The following LRP6 variants were observed in gnomAD, a reference collection of about 807,000 sequenced individuals.
LRP6 encodes the protein LDL receptor related protein 6, also known as low-density lipoprotein receptor-related protein 6.
A neutral mutation model predicts 184.1 loss-of-function variants in LRP6; 43 were observed. The observed-to-expected ratio is 0.23, with a 90% CI of 0.18 to 0.30. The LOEUF (loss-of-function observed/expected upper bound fraction) is 0.30, where lower values mean the gene tolerates loss of function less well. LRP6 is among the 10% of genes least tolerant of loss of function. The probability of loss-of-function intolerance (pLI) is 1.00; values close to 1 mark genes in which losing one functional copy is unlikely to be tolerated. For missense variants in LRP6, 1,571 were observed against 2,005.3 expected (o/e 0.78, Z 4.14); for synonymous variants, 719 against 684.9 (o/e 1.05, Z -0.78).
intron 1 of LRP6, among the ~76,000 whole-genome samples, chr12:12,263,447 A>C (rs1865676673): frequency 6.6e-6 from 1 of 151,512 alleles, no homozygotes; most frequent in African/African-American, 2.4e-5. Flanking sequence ...GCTACTCAGG[A>C]GGCTGAGGCA....
At chr12:12,170,207 C>A (rs772199266) in intron 7 of LRP6, among the ~76,000 whole-genome samples, 1 of 152,076 alleles carries the variant, frequency 6.6e-6, no homozygotes. Context: ...TGGAGATGCA[C>A]ACCTGTAATC....
At chr12:12,205,325 CAAACAAAAAA>C (rs1385662719) in intron 2 of LRP6, among the ~76,000 whole-genome samples, 9 of 26,240 alleles carry the variant, frequency 3.4e-4, no homozygotes, top group African/African-American at 8.6e-4. Flanking sequence ...CTGTCTCAAA[CAAACAAAAAA>C]AAAAAAAAAA....
At chr12:12,149,196 C>CCCCTGG in intron 13 of LRP6, 43 bp from the exon 14 acceptor site, 1 of 1,492,834 alleles carries the variant, frequency 6.7e-7, no homozygotes, top group Non-Finnish European at 9.3e-7. Flanking sequence ...ACTCCAGGGG[C>CCCCTGG]AGATAACCCT....
chr12:12,136,699 G>A (rs1467025692), intron 16 of LRP6, among the ~76,000 whole-genome samples: 1 of 152,160 alleles, frequency 6.6e-6, no homozygotes, highest in Non-Finnish European at 1.5e-5. Flanking sequence ...GACTGAGGGA[G>A]TCAGCTATCT....
chr12:12,138,891 T>C (rs1362392929), intron 15 of LRP6: 1 of 1,372,228 alleles, frequency 7.3e-7, no homozygotes, highest in Non-Finnish European at 9.8e-7. Context: ...GTTCTGAGTA[T>C]ACCTGAGGCA....
chr12:12,236,778 G>A (rs1463151880), intron 2 of LRP6, among the ~76,000 whole-genome samples: 2 of 152,186 alleles, frequency 1.3e-5, no homozygotes, highest in Non-Finnish European at 2.9e-5. Context: ...AAAGGATACA[G>A]ATGAACAACC....
chr12:12,242,862 T>C (rs1250729320), intron 2 of LRP6, among the ~76,000 whole-genome samples: 1 of 151,762 alleles, frequency 6.6e-6, no homozygotes, highest in African/African-American at 2.4e-5. Context: ...CTCATTTTTC[T>C]ACAACATGGC....
At position 12,118,929 on chromosome 12, in the gene LRP6, CACATTTAAATATGTAA is replaced by C. The variant is rs1392688169; in HGVS notation, c.*2181_*2196del. The C allele has an allele frequency of 1.3e-5, 2 of 152,238 alleles. No homozygotes were observed. Among genetic ancestry groups the C allele is most frequent in the African/African-American group, 4.8e-5 (2 of 41,474 alleles). The allele number at this position is 152,238 out of a possible 1,614,324, so 9.4% of individuals were successfully genotyped here. ...ATGGGAAGCCCACCAGATCAAGATG[CACATTTAAATATGTAA>C]ACATATAGAATTCTCAAATTCTAAC... On this transcript the variant is annotated 3_prime_UTR_variant, in exon 23 of 23. Transcript: ENST00000261349.
At chr12:12,200,528 A>G (rs1863887643) in intron 3 of LRP6, among the ~76,000 whole-genome samples, 1 of 152,012 alleles carries the variant, frequency 6.6e-6, no homozygotes. Flanking sequence ...TTTCACTTCA[A>G]CATTTTCTGT....
chr12:12,194,553 GC>G (rs1001558952), intron 3 of LRP6, among the ~76,000 whole-genome samples: 4 of 151,964 alleles, frequency 2.6e-5, no homozygotes, highest in African/African-American at 9.7e-5. Context: ...TTAGTCTTAA[GC>G]CCCATTTTCA....
chr12:12,230,257 T>C (rs994187062), intron 2 of LRP6, among the ~76,000 whole-genome samples: 9 of 152,244 alleles, frequency 5.9e-5, no homozygotes, highest in Non-Finnish European at 1.2e-4. Flanking sequence ...AGCCATTTTA[T>C]ACAAATTTAC....
intron 12 of LRP6, 113 bp downstream of exon 12, chr12:12,158,716 T>C: frequency 9.7e-7 from 1 of 1,031,846 alleles, no homozygotes; most frequent in Non-Finnish European, 1.5e-6. Context: ...ACCAAACAAA[T>C]AACCCCCTCT....
chr12:12,229,046 T>C (rs1466762180), intron 2 of LRP6, among the ~76,000 whole-genome samples: 1 of 152,176 alleles, frequency 6.6e-6, no homozygotes. Context: ...TCTGCTAGGA[T>C]ATGACACAAA....
At chr12:12,202,097 T>C (rs1188895193) in intron 3 of LRP6, among the ~76,000 whole-genome samples, 1 of 152,256 alleles carries the variant, frequency 6.6e-6, no homozygotes, top group Non-Finnish European at 1.5e-5. Flanking sequence ...AAAATGTCTT[T>C]AAAAATCTGA....
At chr12:12,246,716 T>C (rs1479752285) in intron 1 of LRP6, among the ~76,000 whole-genome samples, 1 of 151,688 alleles carries the variant, frequency 6.6e-6, no homozygotes, top group Non-Finnish European at 1.5e-5. Context: ...ATCTACATGA[T>C]CTTCTTTCAT....
rs1412962661 is a variant in LRP6 at position 12,181,026 on chromosome 12, T to C, written c.1373+17A>G. 5 of 1,613,814 alleles carry C rather than the reference T, an allele frequency of 3.1e-6. No individual in the cohort carries two copies. The highest frequency in any genetic ancestry group is 3.3e-5 in the Admixed American group (2 of 60,004). On this transcript the variant is annotated intron_variant, in intron 6 of 22. Coordinates refer to ENST00000261349, the MANE Select transcript of LRP6 (RefSeq NM_002336.3). ...CAGAAACACCACACAGAATTTACTA[T>C]CAGTAGAGCTTCTTACCCAACCATG...
chr12:12,120,031 ATATATATATAT>A lies in LRP6; in HGVS notation c.*1084_*1094del, dbSNP rs1565519348. 1.8e-4 allele frequency: 21 copies of A among 118,344 alleles called. No individual in the cohort carries two copies. The East Asian group carries it at 4.1e-3, about 23-fold the overall frequency. 7.3% of individuals were successfully genotyped at this position (118,344 alleles called of 1,614,324 possible). A position where few individuals can be genotyped will look rare whatever the true frequency, so the allele number is the denominator to read the frequency against. The stretch of plus-strand genomic sequence containing the variant: ...TATATATATATATATATATATATAT[ATATATATATAT>A]AAATGATTTCGTACTGTGATATATG... On this transcript the variant is annotated 3_prime_UTR_variant, in exon 23 of 23. Transcript: ENST00000261349.
At chr12:12,253,251 G>A (rs978590850) in intron 1 of LRP6, among the ~76,000 whole-genome samples, 5 of 152,130 alleles carry the variant, frequency 3.3e-5, no homozygotes, top group Non-Finnish European at 4.4e-5. Flanking sequence ...GCAACACAGC[G>A]AGACTCTGTC....
chr12:12,149,838 G>C (rs1479017283), intron 13 of LRP6, among the ~76,000 whole-genome samples: 1 of 152,134 alleles, frequency 6.6e-6, no homozygotes, highest in Non-Finnish European at 1.5e-5. Context: ...TTGTCCATTT[G>C]TGCCATCTGA....
Sources: gnomAD v4.1 joint callset for allele counts (sites outside exome capture counted in the v4.1 genomes callset) on GRCh38, gnomAD v4.1.1 for gene constraint, MANE v1.5 for transcripts, NCBI Gene and HGNC (gene_info 2026-07-23, HGNC 2026-07-21) for gene names.